Variants in TXNDC16 observed in about 807,000 individuals in gnomAD.
TXNDC16 encodes the protein thioredoxin domain containing 16, also known as thioredoxin domain-containing protein 16.
In TXNDC16, 74 loss-of-function variants were observed where a neutral mutation model predicts 85.6. The ratio of observed to expected loss-of-function variants is 0.86; its 90% CI spans 0.72 to 1.05. The LOEUF (loss-of-function observed/expected upper bound fraction) is 1.05, where lower values mean the gene tolerates loss of function less well. TXNDC16 is among the 50% of genes least tolerant of loss of function. TXNDC16 has a pLI of 0.00. For synonymous variants in TXNDC16, 335 were observed against 326.5 expected (o/e 1.03, Z -0.28); for missense variants, 959 against 947.0 (o/e 1.01, Z -0.17).
At position 52,439,312 on chromosome 14, in the gene TXNDC16, G is replaced by C. The variant is rs376721513; in HGVS notation, c.2086C>G (p.Leu696Val). 11 of 1,614,034 alleles carry C rather than the reference G, an allele frequency of 6.8e-6. No homozygotes were observed. Among genetic ancestry groups the C allele is most frequent in the Non-Finnish European group, 9.3e-6 (11 of 1,179,972 alleles). ...PPLPLLVLVN[L>V]HSGGQVFAFP... is the part of the protein sequence containing the mutation. ...GCAAATACTTGGCCACCTGAATGCA[G>C]ATTCACCAAAACAAGAAGAGGAAGG... The change falls in exon 20 of 21, where the codon CTG (leucine) becomes GTG (valine). Residue 696 changes from leucine (L) to valine (V), a missense_variant. Leu to Val is a conservative substitution (Grantham distance 32, BLOSUM62 1). Coordinates refer to ENST00000281741, the MANE Select transcript of TXNDC16 (RefSeq NM_020784.3).
rs138248544 is a variant in TXNDC16 at position 52,482,248 on chromosome 14, C to T, written c.1294G>A (p.Val432Met). Residue 432 changes from valine to methionine, a missense_variant, in exon 14 of 21, where the codon GTG becomes ATG. Val to Met is a conservative substitution (Grantham distance 21, BLOSUM62 1). Transcript: ENST00000281741. Reference protein sequence around the residue: ...SMAFLQSYIDVAVKLKGTSTM... With the variant: ...SMAFLQSYIDMAVKLKGTSTM... ...ACACTACCTTTCAGTTTAACTGCCACATCAATATAGGATTGCAAAAATGCC... is the reference window on the plus strand; with the variant it reads ...ACACTACCTTTCAGTTTAACTGCCATATCAATATAGGATTGCAAAAATGCC... The T allele has an allele frequency of 2.5e-6, 4 of 1,611,982 alleles. No individual in the cohort carries two copies. In the African/African-American group the frequency reaches 5.3e-5, roughly 22 times the overall value.
At chr14:52,443,181 A>G (rs572413088) in intron 18 of TXNDC16, among the ~76,000 whole-genome samples, 66 of 152,226 alleles carry the variant, frequency 4.3e-4, no homozygotes, top group African/African-American at 1.5e-3. Context: ...GCACAACTAG[A>G]AAAAAACATA....
chr14:52,543,321 A>C, intron 3 of TXNDC16, 77 bp downstream of exon 3: 2 of 1,463,640 alleles, frequency 1.4e-6, no homozygotes, highest in Non-Finnish European at 1.9e-6. Flanking sequence ...TCTTAACAGA[A>C]ATTTCCCACT....
At chr14:52,530,428 TAATAATATATAATA>T (rs2037509526) in intron 6 of TXNDC16, among the ~76,000 whole-genome samples, 2 of 21,468 alleles carry the variant, frequency 9.3e-5, no homozygotes, top group African/African-American at 5.3e-4. Context: ...ATATTATATA[TAATAATATATAATA>T]TATTATTATA....
chr14:52,528,884 A>T (rs1438480559), intron 6 of TXNDC16, among the ~76,000 whole-genome samples: 1 of 146,024 alleles, frequency 6.8e-6, no homozygotes, highest in Non-Finnish European at 1.5e-5. Context: ...TATATATATT[A>T]TCTATAATAC....
chr14:52,514,044 G>A (rs575134066), intron 8 of TXNDC16, among the ~76,000 whole-genome samples: 91 of 152,134 alleles, frequency 6.0e-4, no homozygotes, highest in Middle Eastern at 3.4e-3. Context: ...GAGACTAATG[G>A]AAAAAGGAAT....
intron 1 of TXNDC16, among the ~76,000 whole-genome samples, chr14:52,548,153 G>T (rs969293003): frequency 3.3e-5 from 5 of 152,230 alleles, no homozygotes; most frequent in African/African-American, 1.2e-4. Context: ...AACTGATCCA[G>T]TGTAAACTAA....
At chr14:52,542,914 T>G (rs2037863073) in intron 3 of TXNDC16, among the ~76,000 whole-genome samples, 1 of 152,182 alleles carries the variant, frequency 6.6e-6, no homozygotes, top group African/African-American at 2.4e-5. Context: ...TGAATTTGAC[T>G]ATTAAAAAAA....
intron 20 of TXNDC16, among the ~76,000 whole-genome samples, chr14:52,437,544 T>G (rs1349761497): frequency 4.0e-5 from 6 of 151,286 alleles, no homozygotes; most frequent in Non-Finnish European, 8.8e-5. Flanking sequence ...AAAGCAAAAA[T>G]GGACAAATGG....
At position 52,448,932 on chromosome 14, in the gene TXNDC16, A is replaced by G. The variant is rs117919280; in HGVS notation, c.1842+6392T>C. Among the ~76,000 whole-genome samples the G allele has an allele frequency of 5.3e-4, 81 of 152,200 alleles. 1 individual carries two copies. The East Asian group carries it at 0.014, about 26-fold the overall frequency. On this transcript the variant is annotated intron_variant, in intron 18 of 20. Coordinates refer to ENST00000281741, the MANE Select transcript of TXNDC16 (RefSeq NM_020784.3). ...GGTAGTATTTACAAGCATCATGGTAACTTCAAATCAAAAAACAAAACAAAT... is the reference window on the plus strand; with the variant it reads ...GGTAGTATTTACAAGCATCATGGTAGCTTCAAATCAAAAAACAAAACAAAT...
intron 6 of TXNDC16, among the ~76,000 whole-genome samples, chr14:52,531,202 T>A (rs1001356064): frequency 1.3e-5 from 2 of 152,130 alleles, no homozygotes; most frequent in Non-Finnish European, 2.9e-5. Flanking sequence ...CAACAGGAAC[T>A]TTCATTCATT....
chr14:52,476,256 T>C lies in TXNDC16; in HGVS notation c.1313-5576A>G, dbSNP rs913350559. On this transcript the variant is annotated intron_variant, in intron 14 of 20. Transcript: ENST00000281741. ...AACCAGAAAACCAACTCTGGTAATA[T>C]GACAAAGCAAGATTCTTTAACTCAC... Among the ~76,000 whole-genome samples, 5 of 152,184 alleles carry C rather than the reference T, an allele frequency of 3.3e-5. No individual in the cohort carries two copies. The East Asian group carries it at 7.7e-4, about 24-fold the overall frequency.
At chr14:52,476,198 T>C (rs985106444) in intron 14 of TXNDC16, among the ~76,000 whole-genome samples, 5 of 152,142 alleles carry the variant, frequency 3.3e-5, no homozygotes, top group Non-Finnish European at 5.9e-5. Flanking sequence ...GCCCTAGACC[T>C]TCCCTCTGAC....
intron 4 of TXNDC16, 28 bp downstream of exon 4, chr14:52,542,343 T>C (rs536579872): frequency 2.3e-5 from 33 of 1,460,130 alleles, no homozygotes; most frequent in Non-Finnish European, 3.0e-5. Flanking sequence ...TCGTCACTAA[T>C]ATTTTAGTAA....
intron 1 of TXNDC16, among the ~76,000 whole-genome samples, chr14:52,544,852 A>C (rs754472693): frequency 1.6e-4 from 24 of 152,110 alleles, no homozygotes; most frequent in Non-Finnish European, 3.2e-4. Flanking sequence ...AGAAGCAAGA[A>C]CTATAAGAGG....
chr14:52,463,635 G>C (rs1049642272), intron 16 of TXNDC16, among the ~76,000 whole-genome samples: 3 of 152,146 alleles, frequency 2.0e-5, no homozygotes, highest in African/African-American at 7.2e-5. Flanking sequence ...GGCCACCTTT[G>C]ATTGACCAAA....
At chr14:52,469,884 ATC>A (rs1248411229) in intron 16 of TXNDC16, among the ~76,000 whole-genome samples, 151 bp downstream of exon 16, 1 of 152,212 alleles carries the variant, frequency 6.6e-6, no homozygotes, top group Non-Finnish European at 1.5e-5. Context: ...ATTTAACACT[ATC>A]TCTGAATAAT....
chr14:52,491,918 A>AG (rs1211209553), intron 9 of TXNDC16, among the ~76,000 whole-genome samples: 2 of 152,252 alleles, frequency 1.3e-5, no homozygotes, highest in Admixed American at 1.3e-4. Flanking sequence ...AAGCCATTAG[A>AG]GGGAAAACTA....
chr14:52,458,452 G>A (rs982787891), intron 16 of TXNDC16, among the ~76,000 whole-genome samples: 1 of 152,146 alleles, frequency 6.6e-6, no homozygotes, highest in African/African-American at 2.4e-5. Flanking sequence ...AGCTACTCAG[G>A]AGGCTGAGGC....
Sources: allele counts gnomAD v4.1 joint callset (sites outside exome capture counted in the v4.1 genomes callset), GRCh38; gene constraint gnomAD v4.1.1; transcripts MANE v1.5; gene names NCBI Gene and HGNC (gene_info 2026-07-23, HGNC 2026-07-21).